CES5A: variants seen among roughly 807,000 people sequenced by gnomAD.
CES5A encodes the protein carboxylesterase 5.
In CES5A, 67 loss-of-function variants were observed where a neutral mutation model predicts 62.9. The ratio of observed to expected loss-of-function variants is 1.07; its 90% CI spans 0.88 to 1.31. The LOEUF is 1.31. CES5A is among the 50% of genes most tolerant of loss of function. The pLI is 0.00. For missense variants in CES5A, 748 were observed against 708.5 expected (o/e 1.06, Z -0.63); for synonymous variants, 296 against 280.8 (o/e 1.05, Z -0.54).
Position 55,875,163 on chromosome 16 carries a change from G to T in CES5A, c.59C>A (p.Ala20Glu). 6.2e-7 allele frequency: 1 copy of T among 1,614,098 alleles called. No homozygotes were observed. Among genetic ancestry groups the T allele is most frequent in the South Asian group, 1.1e-5 (1 of 91,048 alleles). ...QILIWAIWVL[A>E]APTKGPSAEG... is the part of the protein sequence containing the mutation. ...GGATATCTCACCTTTGGTGGGGGCT[G>T]CAAGGACCCAGATAGCCCAAATTAG... The change falls in exon 1 of 13, where the codon GCA becomes GAA. Residue 20 changes from alanine (A) to glutamate (E), a missense_variant. Transcript: ENST00000290567.
intron 1 of CES5A, among the ~76,000 whole-genome samples, chr16:55,955,612 C>T: frequency 6.6e-6 from 1 of 152,362 alleles, no homozygotes; most frequent in South Asian, 2.1e-4. Context: ...CTCTCTAAGA[C>T]AGGGCAGAGT....
chr16:55,949,941 G>T, intron 1 of CES5A: 1 of 918,998 alleles, frequency 1.1e-6, no homozygotes, highest in Non-Finnish European at 1.6e-6. Flanking sequence ...AAACATTGAT[G>T]ATAACAATAA....
chr16:55,882,213 A>G lies in CES5A; in HGVS notation c.-255-8176T>C, dbSNP rs141543621. The stretch of plus-strand genomic sequence containing the variant: ...TATGCAATGTCACTATAAATATATA[A>G]CTATAAACATACCCCCAGTCCTTCC... On this transcript the variant is annotated intron_variant, in intron 1 of 12. Transcript: ENST00000518005. 8.5e-4 allele frequency among the ~76,000 whole-genome samples: 129 copies of G among 152,244 alleles called. 2 individuals carry two copies. In the East Asian group the frequency reaches 0.024, roughly 28 times the overall value.
intron 1 of CES5A, among the ~76,000 whole-genome samples, chr16:55,909,022 C>T (rs1311216812): frequency 6.6e-6 from 1 of 152,230 alleles, no homozygotes; most frequent in East Asian, 1.9e-4. Flanking sequence ...AGAGAATCTA[C>T]AACAGGGAAC....
upstream of CES5A, among the ~76,000 whole-genome samples, chr16:55,878,385 C>T (rs143409235): frequency 3.7e-3 from 568 of 152,062 alleles, 8 homozygotes; most frequent in Non-Finnish European, 4.0e-3. Context: ...CCGGGCAATG[C>T]CCCACAGACC....
chr16:55,948,964 A>C (rs2142486080), intron 2 of CES5A, among the ~76,000 whole-genome samples: 1 of 152,330 alleles, frequency 6.6e-6, no homozygotes, highest in African/African-American at 2.4e-5. Flanking sequence ...TGGGCAAATC[A>C]AAATACATGT....
At chr16:55,874,845 G>T (rs1286725916) in intron 1 of CES5A, among the ~76,000 whole-genome samples, 3 of 152,160 alleles carry the variant, frequency 2.0e-5, no homozygotes, top group African/African-American at 7.2e-5. Context: ...CCGCAGCCAG[G>T]AGTGCAGAAG....
In CES5A at chr16:55,861,430, C is replaced by T; in HGVS notation, c.897G>A (p.Glu299=). The change falls in exon 7 of 13, where the codon GAG becomes GAA. Residue 299 remains glutamate, a synonymous_variant. Coordinates refer to ENST00000290567, the MANE Select transcript of CES5A (RefSeq NM_001143685.2). ...TCCTCACCTGGCTGAGGGTCAGCAG[C>T]TCCTTGGAGGGTTTTGTCCTCAGGC... ...LRCLRTKPSK[E]LLTLSQKTKS... The T allele has an allele frequency of 1.9e-6, 3 of 1,613,066 alleles. No individual in the cohort carries two copies. The highest frequency in any genetic ancestry group is 2.5e-6 in the Non-Finnish European group (3 of 1,179,078).
chr16:55,924,836 C>T (rs554649933), intron 1 of CES5A, among the ~76,000 whole-genome samples: 1 of 151,900 alleles, frequency 6.6e-6, no homozygotes, highest in Non-Finnish European at 1.5e-5. Context: ...GAAACTAGAC[C>T]CCTATCTCTT....
At chr16:55,864,121 C>T (rs1466600459) in intron 5 of CES5A, among the ~76,000 whole-genome samples, 5 of 152,196 alleles carry the variant, frequency 3.3e-5, no homozygotes, top group Non-Finnish European at 7.3e-5. Flanking sequence ...TATCACAAAA[C>T]TGTTGTGAGG....
upstream of CES5A, among the ~76,000 whole-genome samples, chr16:55,929,344 C>G (rs1292845290): frequency 6.6e-6 from 1 of 152,220 alleles, no homozygotes; most frequent in Non-Finnish European, 1.5e-5. Flanking sequence ...GGGCTGCTGA[C>G]AGCATCCCCC....
chr16:55,915,925 A>G lies in CES5A; in HGVS notation c.-256+9398T>C, dbSNP rs187149946. ...GAAACTATCTTAACATCACTATCCA[A>G]TGGGTTCTTCTTGCTCACCACACAG... On this transcript the variant is annotated intron_variant, in intron 1 of 12. Coordinates refer to the CES5A transcript ENST00000518005. Among the ~76,000 whole-genome samples the G allele has an allele frequency of 2.6e-5, 4 of 152,342 alleles. No individual in the cohort carries two copies. The East Asian group carries it at 5.8e-4, about 22-fold the overall frequency.
intron 1 of CES5A, among the ~76,000 whole-genome samples, chr16:55,884,163 C>A (rs1452861080): frequency 6.6e-6 from 1 of 152,228 alleles, no homozygotes; most frequent in East Asian, 1.9e-4. Context: ...CCTTTTCATT[C>A]AGCGGTTTCA....
At chr16:55,866,555 G>T (rs1401410540) in intron 4 of CES5A, among the ~76,000 whole-genome samples, 1 of 151,440 alleles carries the variant, frequency 6.6e-6, no homozygotes, top group African/African-American at 2.4e-5. Context: ...AGGCACGGTG[G>T]CTCATGCCTG....
At chr16:55,856,326 T>C in intron 9 of CES5A, 51 bp downstream of exon 9, 1 of 1,549,602 alleles carries the variant, frequency 6.5e-7, no homozygotes, top group Non-Finnish European at 8.9e-7. Context: ...CCTAGGGCTA[T>C]CTGTTAAGTG....
At chr16:55,874,387 A>T (rs1180599177) in intron 1 of CES5A, among the ~76,000 whole-genome samples, 1 of 151,876 alleles carries the variant, frequency 6.6e-6, no homozygotes, top group Non-Finnish European at 1.5e-5. Flanking sequence ...CCACAAACTC[A>T]TCTTCCCAGG....
At position 55,846,257 on chromosome 16, in the gene CES5A, T is replaced by C; in HGVS notation, c.*194A>G. 1.7e-6 allele frequency: 1 copy of C among 597,028 alleles called. No individual in the cohort carries two copies. The highest frequency in any genetic ancestry group is 3.0e-6 in the Non-Finnish European group (1 of 337,350). 37.0% of individuals were successfully genotyped at this position (597,028 alleles called of 1,614,324 possible). A position where few individuals can be genotyped will look rare whatever the true frequency, so the allele number is the denominator to read the frequency against. On this transcript the variant is annotated 3_prime_UTR_variant, in exon 13 of 13. Transcript: ENST00000290567. ...AATTTATTGAAGAAATCTTGTTGCC[T>C]TCCAAGACAAATTGCACTTTTTGAT...
upstream of CES5A, among the ~76,000 whole-genome samples, chr16:55,880,311 C>T (rs1196928103): frequency 6.6e-6 from 1 of 152,140 alleles, no homozygotes; most frequent in Non-Finnish European, 1.5e-5. Flanking sequence ...AATTACAGGA[C>T]AGATGGAGTC....
chr16:55,925,148 G>A (rs1185674854), intron 1 of CES5A, among the ~76,000 whole-genome samples: 2 of 151,816 alleles, frequency 1.3e-5, no homozygotes, highest in African/African-American at 4.8e-5. Context: ...AATATATAAG[G>A]AACTCAAACA....
Sources: allele counts gnomAD v4.1 joint callset (sites outside exome capture counted in the v4.1 genomes callset), GRCh38; gene constraint gnomAD v4.1.1; transcripts MANE v1.5; gene names NCBI Gene and HGNC (gene_info 2026-07-23, HGNC 2026-07-21).